Variants in DNAJC12 observed in about 807,000 individuals in gnomAD.
DNAJC12 encodes the protein DnaJ heat shock protein family (Hsp40) member C12, also known as dnaJ homolog subfamily C member 12.
Under a neutral mutation model 28.5 loss-of-function variants are expected in DNAJC12, and 25 were observed. The observed-to-expected ratio is 0.88, with a 90% CI of 0.64 to 1.22. The LOEUF (loss-of-function observed/expected upper bound fraction) is 1.22, where lower values mean the gene tolerates loss of function less well. Ranked by LOEUF, DNAJC12 falls within the 50% of genes most tolerant of loss-of-function variation. The pLI is 0.00. For missense variants in DNAJC12, 222 were observed against 231.7 expected (o/e 0.96, Z 0.27); for synonymous variants, 77 against 80.6 (o/e 0.95, Z 0.24).
intron 2 of DNAJC12, among the ~76,000 whole-genome samples, chr10:67,812,557 A>G (rs1841870990): frequency 2.0e-5 from 3 of 152,116 alleles, no homozygotes; most frequent in Admixed American, 2.0e-4. Flanking sequence ...CAAGATTTAT[A>G]TACAGGCCGG....
intron 3 of DNAJC12, among the ~76,000 whole-genome samples, chr10:67,810,208 A>C (rs10997820): frequency 1.3e-5 from 2 of 151,942 alleles, no homozygotes; most frequent in Non-Finnish European, 2.9e-5. Flanking sequence ...ATCAGATCTC[A>C]TGAGAACTCA....
At chr10:67,822,079 T>C (rs1477534907) in intron 2 of DNAJC12, among the ~76,000 whole-genome samples, 2 of 151,928 alleles carry the variant, frequency 1.3e-5, no homozygotes, top group Non-Finnish European at 2.9e-5. Flanking sequence ...GAGAACTAGG[T>C]TAAGGATAGA....
chr10:67,832,940 TGAG>T (rs1193469066), intron 1 of DNAJC12, among the ~76,000 whole-genome samples: 1 of 152,206 alleles, frequency 6.6e-6, no homozygotes, highest in East Asian at 1.9e-4. Context: ...ACATCACTTC[TGAG>T]GAGTTCTTTC....
At chr10:67,815,930 C>T (rs1841911972) in intron 2 of DNAJC12, 2 of 395,648 alleles carry the variant, frequency 5.1e-6, no homozygotes, top group East Asian at 3.6e-5. Flanking sequence ...ATAATGTGAC[C>T]TTTCTCTTGT....
chr10:67,801,052 A>G (rs77446038), intron 4 of DNAJC12, among the ~76,000 whole-genome samples: 3,450 of 152,320 alleles, frequency 0.023, 136 homozygotes, highest in African/African-American at 0.079. Flanking sequence ...TTAAGCAGAA[A>G]GAAAGTAAAA....
At chr10:67,799,585 TA>T (rs1366243619) in intron 4 of DNAJC12, among the ~76,000 whole-genome samples, 1 of 152,166 alleles carries the variant, frequency 6.6e-6, no homozygotes, top group Non-Finnish European at 1.5e-5. Context: ...CATTTTTGTT[TA>T]AAAAGATGTA....
chr10:67,806,685 C>T (rs755363147), intron 3 of DNAJC12, among the ~76,000 whole-genome samples: 3 of 151,944 alleles, frequency 2.0e-5, no homozygotes, highest in Non-Finnish European at 2.9e-5. Flanking sequence ...ATTAGCTGGT[C>T]GTGGTGGTGC....
At chr10:67,807,843 G>A (rs889577562) in intron 3 of DNAJC12, among the ~76,000 whole-genome samples, 1 of 152,202 alleles carries the variant, frequency 6.6e-6, no homozygotes, top group Admixed American at 6.5e-5. Flanking sequence ...GTGAAAAGAT[G>A]TTCTGAAATA....
At chr10:67,811,316 T>C (rs1396148872) in intron 3 of DNAJC12, 3 of 1,390,034 alleles carry the variant, frequency 2.2e-6, no homozygotes, top group Non-Finnish European at 2.8e-6. Context: ...AGAAATGTAG[T>C]CACAGGCTCT....
intron 4 of DNAJC12, 64 bp from the exon 5 acceptor site, chr10:67,797,274 A>G (rs1564855557): frequency 7.4e-7 from 1 of 1,358,516 alleles, no homozygotes; most frequent in Admixed American, 1.9e-5. Flanking sequence ...TGTTATAGTA[A>G]AACAGCTTGG....
At chr10:67,818,262 T>G (rs1463911057) in intron 2 of DNAJC12, among the ~76,000 whole-genome samples, 1 of 152,130 alleles carries the variant, frequency 6.6e-6, no homozygotes, top group Non-Finnish European at 1.5e-5. Context: ...TGTGTAAAGA[T>G]CCACATAAAC....
intron 3 of DNAJC12, among the ~76,000 whole-genome samples, chr10:67,810,173 T>G (rs112461367): frequency 0.023 from 3,433 of 152,000 alleles, 140 homozygotes; most frequent in African/African-American, 0.079. Context: ...AGAGAGAAGG[T>G]AGAACTGCCA....
intron 4 of DNAJC12, among the ~76,000 whole-genome samples, chr10:67,798,758 C>CTT (rs377308990): frequency 0.58 from 76,574 of 132,082 alleles, 25,573 homozygotes; most frequent in Non-Finnish European, 0.73. Context: ...TGTGATTTTC[C>CTT]TTTTTTTTTT....
In DNAJC12 at chr10:67,819,654, A is replaced by AAG. The variant is rs1321596254; in HGVS notation, c.157+3658_157+3659dup. 9.9e-4 allele frequency among the ~76,000 whole-genome samples: 131 copies of AAG among 132,582 alleles called. 4 individuals carry two copies. Among genetic ancestry groups the AAG allele is most frequent in the African/African-American group, 3.1e-3 (104 of 33,606 alleles). 87.0% of individuals were successfully genotyped at this position (132,582 alleles called of 152,430 possible). A position where few individuals can be genotyped will look rare whatever the true frequency, so the allele number is the denominator to read the frequency against. ...ACTGTCACAAAAAAAGAAAGAAAGA[A>AAG]AGAAAGAGAAAGAAAGAAAGAAAGA... is the stretch of plus-strand genomic sequence containing the variant. On this transcript the variant is annotated intron_variant, in intron 2 of 4. Transcript: ENST00000225171.
intron 4 of DNAJC12, among the ~76,000 whole-genome samples, chr10:67,804,085 C>T (rs1178628157): frequency 1.3e-5 from 2 of 152,166 alleles, no homozygotes; most frequent in Non-Finnish European, 2.9e-5. Context: ...GAACGTTCTG[C>T]TTAAAGGCTA....
intron 1 of DNAJC12, among the ~76,000 whole-genome samples, chr10:67,831,490 C>T (rs1842093037): frequency 6.6e-6 from 1 of 152,142 alleles, no homozygotes; most frequent in Non-Finnish European, 1.5e-5. Flanking sequence ...AATCCAATTC[C>T]CACTTGGATG....
chr10:67,800,261 G>A (rs1409796958), intron 4 of DNAJC12, among the ~76,000 whole-genome samples: 1 of 149,228 alleles, frequency 6.7e-6, no homozygotes, highest in Non-Finnish European at 1.5e-5. Flanking sequence ...AAACAAAGTG[G>A]CTAATTTGGG....
In DNAJC12 at chr10:67,805,695, A is replaced by G; in HGVS notation, c.390T>C (p.Asn130=). The G allele has an allele frequency of 6.2e-7, 1 of 1,612,704 alleles. No individual in the cohort carries two copies. Among genetic ancestry groups the G allele is most frequent in the Non-Finnish European group, 8.5e-7 (1 of 1,179,590 alleles). ...HTTKMENEEC[N]EQRERKKEEL... is the part of the protein sequence containing the mutation. Reference sequence around the variant, plus strand: ...CCTCTTTCTTTCTTTCTCTTTGCTCATTACATTCCTCATTTTCCATCTTGG... The same window carrying G: ...CCTCTTTCTTTCTTTCTCTTTGCTCGTTACATTCCTCATTTTCCATCTTGG... Residue 130 remains asparagine, a synonymous_variant, in exon 4 of 5, where the codon AAT becomes AAC. Transcript: ENST00000225171.
In DNAJC12 at chr10:67,805,768, C is replaced by G. The variant is rs1311218045; in HGVS notation, c.317G>C (p.Arg106Thr). The change falls in exon 4 of 5, where the codon AGA becomes ACA. Residue 106 changes from arginine (R) to threonine (T), a missense_variant. Physicochemically the swap from Arg to Thr is moderately conservative, Grantham distance 71. Coordinates refer to ENST00000225171, the MANE Select transcript of DNAJC12 (RefSeq NM_021800.3). ...SVKTSMHWVV[R>T]GKKDLMLEES... ...TTCCAGCATCAGGTCTTTTTTACCT[C>G]TGACAACCCAGTGCATTGACTAAAT... is the stretch of plus-strand genomic sequence containing the variant. 1 of 1,601,450 alleles carries G rather than the reference C, an allele frequency of 6.2e-7. No individual in the cohort carries two copies. Among genetic ancestry groups the G allele is most frequent in the Non-Finnish European group, 8.5e-7 (1 of 1,176,686 alleles).
Sources: gnomAD v4.1 joint callset for allele counts (sites outside exome capture counted in the v4.1 genomes callset) on GRCh38, gnomAD v4.1.1 for gene constraint, MANE v1.5 for transcripts, NCBI Gene and HGNC (gene_info 2026-07-23, HGNC 2026-07-21) for gene names.